DACT2: variants seen among roughly 807,000 people sequenced by gnomAD.
DACT2 encodes the protein dapper homolog 2.
DACT2 carries 20 observed loss-of-function variants against 22.2 expected under a neutral mutation model. That is an observed-to-expected ratio of 0.90 (90% CI 0.63 to 1.31). DACT2 has a LOEUF of 1.31. DACT2 is among the 50% of genes most tolerant of loss of function. DACT2 has a pLI of 0.00. For synonymous variants in DACT2, 463 were observed against 479.8 expected, an observed-to-expected ratio of 0.96 and a Z score of 0.46; for missense variants, 1,048 against 1,061.4, an observed-to-expected ratio of 0.99 and a Z score of 0.18.
intron 1 of DACT2, among the ~76,000 whole-genome samples, chr6:168,314,010 CCGCGCTTGTAACCCCG>C (rs1779487645): frequency 2.1e-5 from 2 of 94,178 alleles, no homozygotes; most frequent in Admixed American, 2.2e-4. Flanking sequence ...GTAACCCCGA[CCGCGCTTGTAACCCCG>C]ACCGCTGTCC....
In DACT2 at chr6:168,308,659, CTGTGGAGA is replaced by C; in HGVS notation, c.1090_1097del (p.Ser364GlufsTer46). ...CGTCTGTACTCCAGCCACCCTGCCT[CTGTGGAGA>C]TGGGGACGCTGCATGCCTTAGAGGT... On this transcript the variant is annotated frameshift_variant, in exon 4 of 4. Coordinates refer to ENST00000366795, the MANE Select transcript of DACT2 (RefSeq NM_214462.5). LOFTEE classifies it low-confidence loss of function (END_TRUNC). 1 of 1,544,986 alleles carries C rather than the reference CTGTGGAGA, an allele frequency of 6.5e-7. No individual in the cohort carries two copies.
At chr6:168,309,195 C>T (rs1179290094) in intron 3 of DACT2, 97 bp from the exon 4 acceptor site, 16 of 1,432,464 alleles carry the variant, frequency 1.1e-5, no homozygotes, top group Non-Finnish European at 1.5e-5. Context: ...GGAAACGCTG[C>T]TCATTCACTG....
chr6:168,314,404 G>A (rs564669705), intron 1 of DACT2, among the ~76,000 whole-genome samples: 1 of 152,316 alleles, frequency 6.6e-6, no homozygotes, highest in Non-Finnish European at 1.5e-5. Flanking sequence ...CACACCTGCA[G>A]ACCCCAGGCT....
At chr6:168,305,396 G>A (rs1779184119), downstream of DACT2, among the ~76,000 whole-genome samples, 1 of 152,182 alleles carries the variant, frequency 6.6e-6, no homozygotes, top group Non-Finnish European at 1.5e-5. Flanking sequence ...CAGACCCACT[G>A]CACTCACTCT....
At chr6:168,302,712 C>G (rs1779132085), downstream of DACT2, among the ~76,000 whole-genome samples, 1 of 152,286 alleles carries the variant, frequency 6.6e-6, no homozygotes, top group African/African-American at 2.4e-5. Flanking sequence ...CTGTCTGCAC[C>G]GCCCAACCTT....
intron 1 of DACT2, among the ~76,000 whole-genome samples, chr6:168,314,591 G>A (rs1006036530): frequency 6.6e-6 from 1 of 152,238 alleles, no homozygotes; most frequent in African/African-American, 2.4e-5. Flanking sequence ...CATTCTTTAC[G>A]CACCACAAGA....
At position 168,308,995 on chromosome 6, in the gene DACT2, G is replaced by C; in HGVS notation, c.762C>G (p.His254Gln). 2 of 1,548,954 alleles carry C rather than the reference G, an allele frequency of 1.3e-6. No homozygotes were observed. Among genetic ancestry groups the C allele is most frequent in the Non-Finnish European group, 1.7e-6 (2 of 1,146,972 alleles). Reference sequence around the variant, plus strand: ...CCTGCCGATACTTGGGGTCCGGCACGTGCAGCGGGATATCCACCCCCTGGC... The same window carrying C: ...CCTGCCGATACTTGGGGTCCGGCACCTGCAGCGGGATATCCACCCCCTGGC... ...LLCQGVDIPL[H>Q]VPDPKYRQDL... The change falls in exon 4 of 4, where the codon CAC becomes CAG. Residue 254 changes from histidine to glutamine, a missense_variant. His to Gln is a conservative substitution (Grantham distance 24). Coordinates refer to ENST00000366795, the MANE Select transcript of DACT2 (RefSeq NM_214462.5).
At chr6:168,293,150 A>C (rs1562488786) in exon 6 of DACT2, 1 of 152,228 alleles carries the variant, frequency 6.6e-6, no homozygotes, top group African/African-American at 2.4e-5. Flanking sequence ...GAGCTGTGCC[A>C]GGTGCTTTGG....
chr6:168,307,760 T>C lies in DACT2; in HGVS notation c.1997A>G (p.His666Arg). 1 of 1,547,278 alleles carries C rather than the reference T, an allele frequency of 6.5e-7. No homozygotes were observed. The highest frequency in any genetic ancestry group is 1.4e-5 in the African/African-American group (1 of 73,104). The change falls in exon 4 of 4, where the codon CAC (histidine) becomes CGC (arginine). Residue 666 changes from histidine to arginine, a missense_variant. Coordinates refer to ENST00000366795, the MANE Select transcript of DACT2 (RefSeq NM_214462.5). The surrounding 1 kb of genome is among the most constrained non-coding windows in gnomAD (Gnocchi z 5.3). ...YTRSDSEPSK[H>R]SAECDPRFPS... ...GAACCGCGGGTCACACTCGGCCGAG[T>C]GCTTGGAGGGCTCTGAGTCGCTCCT... is the stretch of plus-strand genomic sequence containing the variant.
intron 3 of DACT2, chr6:168,299,953 GGCT>G (rs1562491224): frequency 6.6e-6 from 1 of 152,246 alleles, no homozygotes; most frequent in Non-Finnish European, 1.5e-5. Flanking sequence ...GGGGCCATGT[GGCT>G]GTTTCTACAG....
At chr6:168,316,218 C>G (rs936228710) in intron 1 of DACT2, among the ~76,000 whole-genome samples, 4 of 152,290 alleles carry the variant, frequency 2.6e-5, no homozygotes, top group Non-Finnish European at 5.9e-5. Context: ...ACTCCCACCC[C>G]CTTGACAGAA....
At chr6:168,315,873 CT>C in intron 1 of DACT2, among the ~76,000 whole-genome samples, 1 of 152,170 alleles carries the variant, frequency 6.6e-6, no homozygotes, top group Non-Finnish European at 1.5e-5. Context: ...GAGTGTGTAA[CT>C]GTTCCAGCAA....
intron 1 of DACT2, among the ~76,000 whole-genome samples, chr6:168,312,518 A>T (rs1324222590): frequency 3.3e-5 from 5 of 152,186 alleles, no homozygotes; most frequent in Non-Finnish European, 7.4e-5. Context: ...AGTTTCCATC[A>T]CAGCCCTGCC....
rs763062891 is a variant in DACT2 at position 168,307,740 on chromosome 6, G to A, written c.2017C>T (p.Arg673Trp). Reference protein sequence around the residue: ...PSKHSAECDPRFPSVIPETSE... With the variant: ...PSKHSAECDPWFPSVIPETSE... Reference sequence around the variant, plus strand: ...GTCTCCGGGATGACTGACGGGAACCGCGGGTCACACTCGGCCGAGTGCTTG... The same window carrying A: ...GTCTCCGGGATGACTGACGGGAACCACGGGTCACACTCGGCCGAGTGCTTG... Residue 673 changes from arginine to tryptophan, a missense_variant, in exon 4 of 4, where the codon CGG becomes TGG. Physicochemically the swap from Arg to Trp is moderately radical, Grantham distance 101. Transcript: ENST00000366795. This position sits in a 1 kb window ranked among gnomAD's most constrained non-coding sequence, Gnocchi z 5.3. The A allele has an allele frequency of 2.4e-5, 37 of 1,548,814 alleles. 1 individual carries two copies. The highest frequency in any genetic ancestry group is 4.8e-5 in the South Asian group (4 of 84,050).
In DACT2 at chr6:168,307,334, G is replaced by T. The variant is rs546503764; in HGVS notation, c.*98C>A. Reference sequence around the variant, plus strand: ...AAACGGTGGCCTCGGAAGATAAAGCGACTTGGCAAGACGACACTGAAACCC... The same window carrying T: ...AAACGGTGGCCTCGGAAGATAAAGCTACTTGGCAAGACGACACTGAAACCC... On this transcript the variant is annotated 3_prime_UTR_variant, in exon 4 of 4. Coordinates refer to ENST00000366795, the MANE Select transcript of DACT2 (RefSeq NM_214462.5). This position sits in a 1 kb window ranked among gnomAD's most constrained non-coding sequence, Gnocchi z 5.3. The T allele has an allele frequency of 8.6e-5, 128 of 1,496,360 alleles. No individual in the cohort carries two copies. Among genetic ancestry groups the T allele is most frequent in the Admixed American group, 8.2e-4 (35 of 42,916 alleles). 92.7% of individuals were successfully genotyped at this position (1,496,360 alleles called of 1,614,324 possible). A position where few individuals can be genotyped will look rare whatever the true frequency, so the allele number is the denominator to read the frequency against.
intron 3 of DACT2, chr6:168,300,196 T>C: frequency 6.6e-6 from 1 of 152,200 alleles, no homozygotes; most frequent in Non-Finnish European, 1.5e-5. Flanking sequence ...CACAAAGGGG[T>C]CCCCCTCACT....
At chr6:168,294,062 G>A in intron 5 of DACT2, 2 of 702,930 alleles carry the variant, frequency 2.8e-6, no homozygotes, top group Non-Finnish European at 5.2e-6. Flanking sequence ...CGATGCCCAT[G>A]AGCACAGACC....
Position 168,308,470 on chromosome 6 carries a change from G to A in DACT2, c.1287C>T (p.Asn429=), listed in dbSNP as rs759195961. 3.9e-6 allele frequency: 6 copies of A among 1,551,510 alleles called. No homozygotes were observed. The highest frequency in any genetic ancestry group is 3.9e-5 in the Admixed American group (2 of 50,980). ...CCATGGTCTCCCTGAGGACACAGCT[G>A]TTTGAGGGCTTGGAGCCCTCCTCTG... is the stretch of plus-strand genomic sequence containing the variant. The part of the protein sequence containing the change: ...SLPEEGSKPS[N]SCVLRETMVQ... The change falls in exon 4 of 4, where the codon AAC becomes AAT. Residue 429 remains asparagine (N), a synonymous_variant. Coordinates refer to ENST00000366795, the MANE Select transcript of DACT2 (RefSeq NM_214462.5).
At chr6:168,295,492 C>G (rs1042926753) in intron 3 of DACT2, among the ~76,000 whole-genome samples, 2 of 152,026 alleles carry the variant, frequency 1.3e-5, no homozygotes, top group African/African-American at 4.8e-5. Flanking sequence ...GGTACATGCA[C>G]CTAACTTAAA....
Sources: allele counts gnomAD v4.1 joint callset (sites outside exome capture counted in the v4.1 genomes callset), GRCh38; gene constraint gnomAD v4.1.1; non-coding constraint Gnocchi (gnomAD v3.1); transcripts MANE v1.5; gene names NCBI Gene and HGNC (gene_info 2026-07-23, HGNC 2026-07-21).